The following GLI2 variants were observed in gnomAD, a reference collection of about 807,000 sequenced individuals.
GLI2 encodes transcription activator GLI2.
In GLI2, 22 loss-of-function variants were observed where a neutral mutation model predicts 78.9. That is an observed-to-expected ratio of 0.28 (90% confidence interval 0.20 to 0.40). The LOEUF (loss-of-function observed/expected upper bound fraction) is 0.40, where lower values mean the gene tolerates loss of function less well. Among genes scored for constraint, GLI2 ranks in the 10% least tolerant of loss-of-function variants. The probability of loss-of-function intolerance (pLI) is 1.00; values close to 1 mark genes in which losing one functional copy is unlikely to be tolerated. For missense variants in GLI2, 2,097 were observed against 2,213.2 expected (o/e 0.95, Z 1.05); for synonymous variants, 974 against 963.7 (o/e 1.01, Z -0.20).
chr2:120,745,659 T>C (rs1228758243), intron 1 of GLI2, among the ~76,000 whole-genome samples: 4 of 152,180 alleles, frequency 2.6e-5, no homozygotes, highest in African/African-American at 9.7e-5. Flanking sequence ...CATACAGTTT[T>C]GCACTGCAGA....
chr2:120,837,325 C>T lies in GLI2; in HGVS notation c.148+39857C>T, dbSNP rs1424663803. Among the ~76,000 whole-genome samples the T allele has an allele frequency of 2.0e-4, 28 of 141,748 alleles. 1 individual carries two copies. Among genetic ancestry groups the T allele is most frequent in the Admixed American group, 4.6e-4 (6 of 13,106 alleles). 93.0% of individuals were successfully genotyped at this position (141,748 alleles called of 152,430 possible). A position where few individuals can be genotyped will look rare whatever the true frequency, so the allele number is the denominator to read the frequency against. On this transcript the variant is annotated intron_variant, in intron 2 of 13. Coordinates refer to ENST00000361492, the MANE Select transcript of GLI2 (RefSeq NM_001374353.1). ...AGGAGAATGGCGTGAACCCAGGAGG[C>T]GGAGCTTGCAGTGAGCCAAGATCAC...
intron 2 of GLI2, among the ~76,000 whole-genome samples, chr2:120,865,762 G>A (rs576344409): frequency 5.9e-5 from 9 of 152,340 alleles, no homozygotes; most frequent in Non-Finnish European, 8.8e-5. Flanking sequence ...GCTGTATGCC[G>A]TGGGGAGGGT....
At chr2:120,778,424 G>A (rs529948464) in intron 1 of GLI2, among the ~76,000 whole-genome samples, 1 of 152,296 alleles carries the variant, frequency 6.6e-6, no homozygotes, top group African/African-American at 2.4e-5. Context: ...CCCACACACA[G>A]CCAGAGAAAA....
At chr2:120,948,801 T>C (rs1017680630) in intron 3 of GLI2, among the ~76,000 whole-genome samples, 1 of 152,156 alleles carries the variant, frequency 6.6e-6, no homozygotes, top group East Asian at 1.9e-4. Context: ...ACAAGCCACG[T>C]AGGGCCACCG....
chr2:120,857,927 G>A (rs1216067436), intron 2 of GLI2, among the ~76,000 whole-genome samples: 1 of 152,158 alleles, frequency 6.6e-6, no homozygotes, highest in Admixed American at 6.5e-5. Flanking sequence ...CAGAGTTGCG[G>A]TTGCTTCTAA....
At chr2:120,778,180 T>C (rs1204728732) in intron 1 of GLI2, among the ~76,000 whole-genome samples, 2 of 152,140 alleles carry the variant, frequency 1.3e-5, no homozygotes, top group Non-Finnish European at 2.9e-5. Flanking sequence ...CCACAGATGA[T>C]GGCCAAGAAA....
intron 2 of GLI2, among the ~76,000 whole-genome samples, chr2:120,815,454 C>A (rs143602905): frequency 1.3e-5 from 2 of 152,312 alleles, no homozygotes; most frequent in South Asian, 2.1e-4. Flanking sequence ...GCATTGCCTG[C>A]CCCGCCAGCC....
chr2:120,933,847 CCCTGCCCTG>C (rs1248197098), intron 3 of GLI2, among the ~76,000 whole-genome samples: 4 of 117,432 alleles, frequency 3.4e-5, no homozygotes, highest in Non-Finnish European at 7.4e-5. Flanking sequence ...TCCAGCCCTG[CCCTGCCCTG>C]CCCTGCCCTG....
At chr2:120,752,159 G>T (rs1682891990) in intron 1 of GLI2, among the ~76,000 whole-genome samples, 1 of 151,834 alleles carries the variant, frequency 6.6e-6, no homozygotes, top group African/African-American at 2.4e-5. Context: ...TTGGCAGTTT[G>T]CTTTCTTTGT....
At position 120,986,314 on chromosome 2, in the gene GLI2, A is replaced by G. The variant is rs561810561; in HGVS notation, c.1942A>G (p.Ser648Gly). Reference sequence around the variant, plus strand: ...CAGCCCCGGGGCCCAGTCGTCCTGCAGCAGCGAGCCCTCTCCTCTGGGCAG... The same window carrying G: ...CAGCCCCGGGGCCCAGTCGTCCTGCGGCAGCGAGCCCTCTCCTCTGGGCAG... Reference protein sequence around the residue: ...QSSPGAQSSCSSEPSPLGSAP... With the variant: ...QSSPGAQSSCGSEPSPLGSAP... Residue 648 changes from serine to glycine, a missense_variant, in exon 13 of 14, where the codon AGC becomes GGC. By Grantham distance (56) the Ser-to-Gly change is moderately conservative. Transcript: ENST00000361492. 14 of 1,613,444 alleles carry G rather than the reference A, an allele frequency of 8.7e-6. No individual in the cohort carries two copies. In the Admixed American group the frequency reaches 2.2e-4, roughly 25 times the overall value.
chr2:120,829,455 C>T (rs1686251375), intron 2 of GLI2, among the ~76,000 whole-genome samples: 1 of 152,096 alleles, frequency 6.6e-6, no homozygotes, highest in Admixed American at 6.5e-5. Flanking sequence ...CCCAGCCCAG[C>T]CACTTAACAG....
In GLI2 at chr2:120,984,642, G is replaced by C. The variant is rs377568773; in HGVS notation, c.1804G>C (p.Gly602Arg). 6.2e-7 allele frequency: 1 copy of C among 1,613,984 alleles called. No individual in the cohort carries two copies. Among genetic ancestry groups the C allele is most frequent in the South Asian group, 1.1e-5 (1 of 91,088 alleles). ...LLKENGDSEA[G>R]TEPGGPESTE... Reference sequence around the variant, plus strand: ...CAAAGAGAATGGGGACAGTGAGGCCGGCACGGAGCCTGGCGGCCCAGAGAG... The same window carrying C: ...CAAAGAGAATGGGGACAGTGAGGCCCGCACGGAGCCTGGCGGCCCAGAGAG... The change falls in exon 12 of 14, where the codon GGC (glycine) becomes CGC (arginine). Residue 602 changes from glycine (G) to arginine (R), a missense_variant. Physicochemically the swap from Gly to Arg is moderately radical, Grantham distance 125. Around this residue, in one of 5 missense-constraint regions of GLI2, gnomAD observed 57 missense variants for 44.5 expected, o/e 1.28. Transcript: ENST00000361492.
intron 2 of GLI2, among the ~76,000 whole-genome samples, chr2:120,808,303 C>T (rs1039567379): frequency 2.0e-5 from 3 of 152,130 alleles, no homozygotes; most frequent in Non-Finnish European, 4.4e-5. Flanking sequence ...AAGTCCCTGC[C>T]CCCGCCGAGT....
At chr2:120,890,442 C>CATAT (rs70954512) in intron 2 of GLI2, among the ~76,000 whole-genome samples, 11 of 149,848 alleles carry the variant, frequency 7.3e-5, no homozygotes, top group East Asian at 5.9e-4. Flanking sequence ...CACACATTCA[C>CATAT]ATATATATAT....
intron 2 of GLI2, among the ~76,000 whole-genome samples, chr2:120,918,637 C>T (rs1162750433): frequency 1.3e-5 from 2 of 152,064 alleles, no homozygotes; most frequent in Admixed American, 6.5e-5. Flanking sequence ...GATGGGGTTT[C>T]GCCATGTTGG....
At chr2:120,927,600 G>T in intron 3 of GLI2, 134 bp downstream of exon 3, 1 of 749,658 alleles carries the variant, frequency 1.3e-6, no homozygotes, top group Non-Finnish European at 2.4e-6. Context: ...TCCTGAGCGG[G>T]CGATCACCTT....
chr2:120,984,785 T>C lies in GLI2; in HGVS notation c.1905+42T>C, dbSNP rs1412356094. 19 of 1,603,890 alleles carry C rather than the reference T, an allele frequency of 1.2e-5. No homozygotes were observed. In the South Asian group the frequency reaches 2.1e-4, roughly 18 times the overall value. On this transcript the variant is annotated intron_variant, in intron 12 of 13. Transcript: ENST00000361492. The stretch of plus-strand genomic sequence containing the variant: ...AGCCCAGCCACGCAAGGCGACTCCA[T>C]AGCCGTGCCCAGGGCCACCCCTTGC...
At chr2:120,952,721 G>A (rs1681057786) in intron 4 of GLI2, among the ~76,000 whole-genome samples, 1 of 152,232 alleles carries the variant, frequency 6.6e-6, no homozygotes, top group Non-Finnish European at 1.5e-5. Context: ...CGTCCCCTGT[G>A]TGGCCTTGAC....
At chr2:120,949,050 G>C (rs1339587330) in intron 3 of GLI2, among the ~76,000 whole-genome samples, 2 of 152,172 alleles carry the variant, frequency 1.3e-5, no homozygotes, top group Non-Finnish European at 2.9e-5. Context: ...TTGTCTCAGA[G>C]CCTTCTCTTC....
Sources: allele counts gnomAD v4.1 joint callset (sites outside exome capture counted in the v4.1 genomes callset), GRCh38; gene constraint gnomAD v4.1.1; regional missense constraint gnomAD v4.1.1; transcripts MANE v1.5; gene names NCBI Gene and HGNC (gene_info 2026-07-23, HGNC 2026-07-21).